Variants in ZFTRAF1 observed in about 807,000 individuals in gnomAD.
ZFTRAF1 encodes zinc finger TRAF-type and ring finger containing 1, also known as zinc finger TRAF-type-containing protein 1.
the ZFTRAF1 span, chr8:144,450,914 C>G: frequency 1.7e-6 from 1 of 596,496 alleles, no homozygotes; most frequent in South Asian, 2.0e-5. Context: ...TTGTCACAAG[C>G]AAGCCAAACG....
At chr8:144,462,357 TC>T in the ZFTRAF1 span, 1 of 489,498 alleles carries the variant, frequency 2.0e-6, no homozygotes, top group Admixed American at 3.1e-5. Flanking sequence ...TCCTCCAGTT[TC>T]CCGCTGCCGG....
the ZFTRAF1 span, chr8:144,453,468 G>C: frequency 6.5e-7 from 1 of 1,543,746 alleles, no homozygotes; most frequent in Non-Finnish European, 8.8e-7. Flanking sequence ...ACACTGCGAA[G>C]AAGGAAAGGG....
At chr8:144,452,707 A>G in the ZFTRAF1 span, 3 of 781,494 alleles carry the variant, frequency 3.8e-6, no homozygotes, top group Non-Finnish European at 6.1e-6. Flanking sequence ...ACCCCCCAGG[A>G]TGAGGTCAGA....
chr8:144,456,675 G>T, the ZFTRAF1 span: 1 of 151,876 alleles, frequency 6.6e-6, no homozygotes, highest in Admixed American at 6.6e-5. Context: ...ATGTCAGAGG[G>T]GTGACATCGT....
chr8:144,461,551 G>C, the ZFTRAF1 span, among the ~76,000 whole-genome samples: 1 of 152,204 alleles, frequency 6.6e-6, no homozygotes, highest in Non-Finnish European at 1.5e-5. Flanking sequence ...CTGGAGCACT[G>C]GCTGCCTAGG....
the ZFTRAF1 span, chr8:144,450,719 T>C: frequency 1.4e-6 from 1 of 715,684 alleles, no homozygotes; most frequent in Non-Finnish European, 2.6e-6. Context: ...GGGCGTCTCA[T>C]AGTACAGGCG....
chr8:144,451,067 G>A, the ZFTRAF1 span: 65 of 353,750 alleles, frequency 1.8e-4, 1 homozygote, highest in East Asian at 2.7e-3. Flanking sequence ...CTCCCTCACC[G>A]CCCCGAGCCC....
chr8:144,451,904 G>A, the ZFTRAF1 span: 2 of 253,500 alleles, frequency 7.9e-6, no homozygotes, highest in East Asian at 9.7e-5. Flanking sequence ...GCCTTGAGAG[G>A]CCCATGGCCG....
At chr8:144,456,955 G>C in the ZFTRAF1 span, 1 of 148,122 alleles carries the variant, frequency 6.8e-6, no homozygotes, top group Non-Finnish European at 1.5e-5. Context: ...TGACATTACG[G>C]GGATGACATC....
chr8:144,460,775 C>T, the ZFTRAF1 span, among the ~76,000 whole-genome samples: 5 of 152,150 alleles, frequency 3.3e-5, no homozygotes, highest in African/African-American at 1.2e-4. Context: ...CCCAGCTACT[C>T]GGGAGGCTGA....
chr8:144,453,464 C>T, the ZFTRAF1 span: 89 of 1,545,652 alleles, frequency 5.8e-5, no homozygotes, highest in East Asian at 7.4e-5. Context: ...TAGTACACTG[C>T]GAAGAAGGAA....
chr8:144,455,297 AGAGT>A, the ZFTRAF1 span: 1 of 152,256 alleles, frequency 6.6e-6, no homozygotes, highest in African/African-American at 2.4e-5. Context: ...CCTGGGAGAC[AGAGT>A]GAGACTCTAT....
chr8:144,450,246 G>A, the ZFTRAF1 span: 1 of 617,718 alleles, frequency 1.6e-6, no homozygotes, highest in South Asian at 1.8e-5. Flanking sequence ...GACTTGCCCT[G>A]TGTTGGCTTC....
chr8:144,460,305 C>T, the ZFTRAF1 span, among the ~76,000 whole-genome samples: 568 of 152,344 alleles, frequency 3.7e-3, 16 homozygotes, highest in East Asian at 0.056. Flanking sequence ...TGCCTCTGGC[C>T]GCCCAGAGCA....
At chr8:144,459,846 C>T in the ZFTRAF1 span, among the ~76,000 whole-genome samples, 8 of 152,228 alleles carry the variant, frequency 5.3e-5, no homozygotes, top group Non-Finnish European at 1.0e-4. Context: ...TCAGGAAAAG[C>T]GTTCTAGCAG....
chr8:144,453,801 C>G, the ZFTRAF1 span: 1 of 260,034 alleles, frequency 3.8e-6, no homozygotes, highest in Non-Finnish European at 7.6e-6. Context: ...CCCTGACCCC[C>G]CTACAGGTCC....
the ZFTRAF1 span, among the ~76,000 whole-genome samples, chr8:144,461,985 G>C: frequency 1.3e-5 from 2 of 152,142 alleles, no homozygotes; most frequent in African/African-American, 2.4e-5. Context: ...GGGAAGTCTA[G>C]AAAAAAGAAG....
the ZFTRAF1 span, chr8:144,462,210 G>A: frequency 2.2e-6 from 1 of 461,282 alleles, no homozygotes. Flanking sequence ...CCGAGGAGAC[G>A]CGGATCCTGG....
chr8:144,453,191 C>G, the ZFTRAF1 span: 1 of 1,542,304 alleles, frequency 6.5e-7, no homozygotes, highest in South Asian at 1.2e-5. Context: ...TGGGCCCCGC[C>G]TGTAAGGCTA....
Sources: gnomAD v4.1 joint callset for allele counts (sites outside exome capture counted in the v4.1 genomes callset) on GRCh38, gnomAD v4.1.1 for gene constraint, MANE v1.5 for transcripts, NCBI Gene and HGNC (gene_info 2026-07-23, HGNC 2026-07-21) for gene names.